TASP1: variants seen among roughly 807,000 people sequenced by gnomAD.
TASP1 encodes the protein threonine aspartase 1.
In TASP1, 16 loss-of-function variants were observed where a neutral mutation model predicts 56.6. The observed-to-expected ratio is 0.28, with a 90% CI of 0.19 to 0.43. TASP1 has a LOEUF of 0.43. Among genes scored for constraint, TASP1 ranks in the 20% least tolerant of loss-of-function variants. The pLI is 1.00. For missense variants in TASP1, 393 were observed against 511.6 expected (o/e 0.77, Z 2.24); for synonymous variants, 179 against 184.2 (o/e 0.97, Z 0.23).
intron 11 of TASP1, among the ~76,000 whole-genome samples, chr20:13,478,358 C>CAT (rs1375980840): frequency 1.4e-5 from 2 of 147,068 alleles, no homozygotes; most frequent in East Asian, 4.0e-4. Context: ...CACACACACA[C>CAT]ACACACACAC....
the TASP1 span, among the ~76,000 whole-genome samples, chr20:13,171,164 T>C: frequency 6.6e-6 from 1 of 152,206 alleles, no homozygotes; most frequent in Non-Finnish European, 1.5e-5. Context: ...TGTGTCTGTT[T>C]TGTAAATAAT....
At chr20:13,105,186 A>C in the TASP1 span, among the ~76,000 whole-genome samples, 1 of 152,138 alleles carries the variant, frequency 6.6e-6, no homozygotes, top group African/African-American at 2.4e-5. Flanking sequence ...TGGGGCCAGA[A>C]TCCAGGCCGA....
At chr20:13,329,782 C>A in the TASP1 span, among the ~76,000 whole-genome samples, 1 of 151,690 alleles carries the variant, frequency 6.6e-6, no homozygotes, top group African/African-American at 2.4e-5. Flanking sequence ...GCAATTACAA[C>A]AGTTAGGACT....
At chr20:13,272,147 T>C in the TASP1 span, among the ~76,000 whole-genome samples, 1 of 152,154 alleles carries the variant, frequency 6.6e-6, no homozygotes, top group Non-Finnish European at 1.5e-5. Context: ...CTTTTTCCTC[T>C]CTGGACCAAA....
At chr20:13,436,444 T>C (rs945589269) in intron 11 of TASP1, among the ~76,000 whole-genome samples, 2 of 151,636 alleles carry the variant, frequency 1.3e-5, no homozygotes, top group African/African-American at 4.8e-5. Context: ...ATTCTCTAGC[T>C]CTTTACAGAA....
At chr20:13,603,314 G>A (rs1170899318) in intron 4 of TASP1, among the ~76,000 whole-genome samples, 1 of 152,046 alleles carries the variant, frequency 6.6e-6, no homozygotes, top group African/African-American at 2.4e-5. Flanking sequence ...AAGGTGGGCA[G>A]ACAGCTTGAA....
intron 13 of TASP1, among the ~76,000 whole-genome samples, chr20:13,398,425 G>A (rs75071335): frequency 0.018 from 2,710 of 151,794 alleles, 77 homozygotes; most frequent in African/African-American, 0.06. Flanking sequence ...AGCTGCAAGT[G>A]TATTGCTCCA....
the TASP1 span, among the ~76,000 whole-genome samples, chr20:13,195,361 C>G: frequency 6.6e-6 from 1 of 152,154 alleles, no homozygotes; most frequent in African/African-American, 2.4e-5. Context: ...TCCCTTTGCC[C>G]TGAGTGTTTT....
At chr20:13,620,458 T>C (rs1440660806) in intron 4 of TASP1, among the ~76,000 whole-genome samples, 2 of 152,206 alleles carry the variant, frequency 1.3e-5, no homozygotes, top group Non-Finnish European at 2.9e-5. Context: ...ATTAGAACAT[T>C]TCAGTCATTT....
chr20:13,496,823 T>A (rs757209230), intron 10 of TASP1, among the ~76,000 whole-genome samples: 2 of 152,192 alleles, frequency 1.3e-5, no homozygotes, highest in African/African-American at 4.8e-5. Context: ...GCAAGCCAGA[T>A]AAGCTACAGT....
intron 13 of TASP1, among the ~76,000 whole-genome samples, chr20:13,411,645 AT>A: frequency 6.6e-6 from 1 of 152,298 alleles, no homozygotes; most frequent in East Asian, 1.9e-4. Flanking sequence ...TGGATCAGGA[AT>A]TTCCCTTAAG....
chr20:13,148,351 G>A, the TASP1 span, among the ~76,000 whole-genome samples: 1 of 152,208 alleles, frequency 6.6e-6, no homozygotes, highest in Non-Finnish European at 1.5e-5. Context: ...CCAGAAATCA[G>A]AAGAGATAGA....
chr20:13,247,178 CCG>C, the TASP1 span, among the ~76,000 whole-genome samples: 1 of 152,106 alleles, frequency 6.6e-6, no homozygotes, highest in East Asian at 1.9e-4. Flanking sequence ...TTTCAGTGAG[CCG>C]AGATCGCACC....
chr20:13,520,631 A>G (rs1484094753), intron 10 of TASP1, among the ~76,000 whole-genome samples: 1 of 152,202 alleles, frequency 6.6e-6, no homozygotes, highest in East Asian at 1.9e-4. Flanking sequence ...TTCAAGATGG[A>G]TCAAAGACTT....
the TASP1 span, among the ~76,000 whole-genome samples, chr20:13,109,146 C>T: frequency 3.5e-3 from 537 of 152,252 alleles, 7 homozygotes; most frequent in East Asian, 0.025. Flanking sequence ...TTCTAAATGA[C>T]CTCTCAACCC....
At chr20:13,389,188 T>G (rs1415718582), downstream of TASP1, among the ~76,000 whole-genome samples, 1 of 152,236 alleles carries the variant, frequency 6.6e-6, no homozygotes, top group African/African-American at 2.4e-5. Flanking sequence ...TCTTTCTCTT[T>G]GTTATTTTTA....
chr20:13,233,759 T>C, the TASP1 span, among the ~76,000 whole-genome samples: 5 of 152,170 alleles, frequency 3.3e-5, no homozygotes, highest in African/African-American at 1.2e-4. Flanking sequence ...ACTGTCCTTC[T>C]CTTACACATA....
the TASP1 span, among the ~76,000 whole-genome samples, chr20:13,319,886 G>A: frequency 6.6e-6 from 1 of 152,208 alleles, no homozygotes; most frequent in East Asian, 1.9e-4. Context: ...AACCAGCTCA[G>A]GTCCTGCAGA....
chr20:13,206,289 T>C, the TASP1 span, among the ~76,000 whole-genome samples: 1 of 152,136 alleles, frequency 6.6e-6, no homozygotes, highest in African/African-American at 2.4e-5. Flanking sequence ...CCTGACTGTA[T>C]ATCAGGGATC....
Sources: allele counts gnomAD v4.1 joint callset (sites outside exome capture counted in the v4.1 genomes callset), GRCh38; gene constraint gnomAD v4.1.1; transcripts MANE v1.5; gene names NCBI Gene and HGNC (gene_info 2026-07-23, HGNC 2026-07-21).